The following ANKAR variants were observed in gnomAD, a reference collection of about 807,000 sequenced individuals.
ANKAR encodes ankyrin and armadillo repeat-containing protein.
Under a neutral mutation model 146.2 loss-of-function variants are expected in ANKAR, and 136 were observed. The observed-to-expected ratio is 0.93, with a 90% CI of 0.81 to 1.07. The LOEUF is 1.07. ANKAR is among the 50% of genes least tolerant of loss of function. The pLI is 0.00. For synonymous variants in ANKAR, 500 were observed against 575.8 expected, an observed-to-expected ratio of 0.87 and a Z score of 1.88; for missense variants, 1,567 against 1,679.9, an observed-to-expected ratio of 0.93 and a Z score of 1.18.
chr2:189,721,106 G>A (rs375667153), intron 12 of ANKAR, among the ~76,000 whole-genome samples: 16 of 152,024 alleles, frequency 1.1e-4, no homozygotes, highest in African/African-American at 3.4e-4. Context: ...TTCTGTCTTA[G>A]CCTCCTGAGT....
rs562371864 is a variant in ANKAR, at chr2:189,744,876, G to A, written c.4057+88G>A. ...TCCATCTCTAAAAATTCAAAATGTAGGCCGGGCACAGTGGCTCATGCCTGT... is the reference window on the plus strand; with the variant it reads ...TCCATCTCTAAAAATTCAAAATGTAAGCCGGGCACAGTGGCTCATGCCTGT... On this transcript the variant is annotated intron_variant, in intron 22 of 22. Transcript: ENST00000684021. The A allele has an allele frequency of 3.7e-4, 399 of 1,081,656 alleles. 2 individuals carry two copies. The highest frequency in any genetic ancestry group is 4.9e-4 in the Non-Finnish European group (360 of 734,938). The allele number at this position is 1,081,656 out of a possible 1,614,324, so 67.0% of individuals were successfully genotyped here.
At chr2:189,693,531 G>T (rs1469804804) in intron 5 of ANKAR, among the ~76,000 whole-genome samples, 3 of 152,144 alleles carry the variant, frequency 2.0e-5, no homozygotes, top group Non-Finnish European at 4.4e-5. Context: ...AATATGGGAA[G>T]TAGAGCTCAG....
At chr2:189,745,881 T>G (rs1353508895) in intron 22 of ANKAR, among the ~76,000 whole-genome samples, 8 of 152,210 alleles carry the variant, frequency 5.3e-5, no homozygotes, top group Non-Finnish European at 8.8e-5. Flanking sequence ...CATCCATTTT[T>G]TATATAGCTT....
chr2:189,734,730 G>A (rs947301984), intron 17 of ANKAR, among the ~76,000 whole-genome samples: 1 of 152,038 alleles, frequency 6.6e-6, no homozygotes, highest in East Asian at 1.9e-4. Flanking sequence ...TTGGGAGGTC[G>A]AGGTGGGCAG....
Position 189,740,687 on chromosome 2 carries a change from A to C in ANKAR, c.3701-655A>C, listed in dbSNP as rs566290118. Among the ~76,000 whole-genome samples, 23 of 108,908 alleles carry C rather than the reference A, an allele frequency of 2.1e-4. 1 individual carries two copies. In the East Asian group the frequency reaches 5.3e-3, roughly 25 times the overall value. 71.4% of individuals were successfully genotyped at this position (108,908 alleles called of 152,430 possible). On this transcript the variant is annotated intron_variant, in intron 19 of 22. Transcript: ENST00000684021. ...ACTCAAAGCCATTTCAACCGCAAAA[A>C]GGACATATTAATTTTTTTTTTTTGA... is the stretch of plus-strand genomic sequence containing the variant.
chr2:189,734,310 T>C (rs960969825), intron 17 of ANKAR, among the ~76,000 whole-genome samples: 5 of 152,242 alleles, frequency 3.3e-5, no homozygotes, highest in African/African-American at 4.8e-5. Flanking sequence ...TTAGCATCCA[T>C]TGATGCAACA....
chr2:189,705,661 G>A (rs1330548555), intron 8 of ANKAR, among the ~76,000 whole-genome samples: 1 of 152,126 alleles, frequency 6.6e-6, no homozygotes, highest in Non-Finnish European at 1.5e-5. Flanking sequence ...GGCAGCCCTA[G>A]GACTTCAGAT....
At chr2:189,682,627 A>G (rs1415047143) in intron 2 of ANKAR, among the ~76,000 whole-genome samples, 1 of 152,222 alleles carries the variant, frequency 6.6e-6, no homozygotes, top group Non-Finnish European at 1.5e-5. Flanking sequence ...ATGATTAAAG[A>G]AGCATCAGGT....
intron 12 of ANKAR, among the ~76,000 whole-genome samples, chr2:189,727,173 C>CT (rs2041965989): frequency 6.6e-6 from 1 of 151,826 alleles, no homozygotes; most frequent in African/African-American, 2.4e-5. Context: ...TTAGAATCAC[C>CT]AGTACCAAAA....
At chr2:189,733,525 C>A (rs921254600) in intron 17 of ANKAR, among the ~76,000 whole-genome samples, 3 of 152,122 alleles carry the variant, frequency 2.0e-5, no homozygotes, top group African/African-American at 7.2e-5. Context: ...GCCCTTTCAG[C>A]CCTCAGTCAT....
chr2:189,705,241 T>C lies in ANKAR; in HGVS notation c.1910+17T>C, dbSNP rs771123575. ...AACAGCTGAGTAAGTCATTAAGCAT[T>C]TATATCAGGTTGAGGTTGATGTCTA... On this transcript the variant is annotated intron_variant, in intron 8 of 22. Transcript: ENST00000684021. 3.7e-6 allele frequency: 6 copies of C among 1,611,554 alleles called. No homozygotes were observed. Among genetic ancestry groups the C allele is most frequent in the Non-Finnish European group, 5.1e-6 (6 of 1,178,152 alleles).
intron 3 of ANKAR, among the ~76,000 whole-genome samples, chr2:189,692,029 TG>T (rs2036494393): frequency 6.6e-6 from 1 of 152,188 alleles, no homozygotes. Context: ...CTCAAAATGC[TG>T]GGATTATAGG....
chr2:189,710,209 A>G (rs1265466175), intron 9 of ANKAR, among the ~76,000 whole-genome samples: 5 of 152,218 alleles, frequency 3.3e-5, no homozygotes, highest in Non-Finnish European at 7.3e-5. Context: ...AGAGATGAGG[A>G]AAAGATAGTC....
In ANKAR at chr2:189,719,682, T is replaced by C; in HGVS notation, c.2335T>C (p.Leu779=). 6.2e-7 allele frequency: 1 copy of C among 1,614,152 alleles called. No homozygotes were observed. The highest frequency in any genetic ancestry group is 8.5e-7 in the Non-Finnish European group (1 of 1,180,008). ...AACCCACAAAAGTGCAGTGCATGCT[T>C]TGGTAGAAGCGGGAGGCATTCCATC... The part of the protein sequence containing the change: ...ISTHKSAVHA[L]VEAGGIPSLI... Residue 779 remains leucine (L), a synonymous_variant, in exon 11 of 23, where the codon TTG becomes CTG. Coordinates refer to ENST00000684021, the MANE Select transcript of ANKAR (RefSeq NM_001378068.1).
chr2:189,704,559 AT>A (rs2038595557), intron 7 of ANKAR, among the ~76,000 whole-genome samples: 2 of 66,526 alleles, frequency 3.0e-5, no homozygotes, highest in Admixed American at 3.1e-4. Context: ...ATATATATAT[AT>A]ATATATATAT....
chr2:189,700,600 A>G (rs2037922716), intron 7 of ANKAR, among the ~76,000 whole-genome samples: 1 of 152,136 alleles, frequency 6.6e-6, no homozygotes, highest in African/African-American at 2.4e-5. Flanking sequence ...TTTTTTTACT[A>G]TAGTCACCTT....
chr2:189,728,877 G>A (rs760914835), intron 15 of ANKAR, 56 bp downstream of exon 15: 83 of 1,507,218 alleles, frequency 5.5e-5, no homozygotes, highest in Middle Eastern at 3.6e-4. Flanking sequence ...AACAGATTGC[G>A]CAGAGAAGTG....
Position 189,746,520 on chromosome 2 carries a change from T to C in ANKAR, c.4198T>C (p.Ser1400Pro). Residue 1400 changes from serine (S) to proline (P), a missense_variant, in exon 23 of 23, where the codon TCT (serine) becomes CCT (proline). Transcript: ENST00000684021. Reference protein sequence around the residue: ...KDSHNIFSFSSTITSDITNVS... With the variant: ...KDSHNIFSFSPTITSDITNVS... ...TTCCCATAATATTTTTTCTTTTTCATCTACAATTACATCAGATATCACAAA... is the reference window on the plus strand; with the variant it reads ...TTCCCATAATATTTTTTCTTTTTCACCTACAATTACATCAGATATCACAAA... 1 of 1,613,954 alleles carries C rather than the reference T, an allele frequency of 6.2e-7. No homozygotes were observed. The highest frequency in any genetic ancestry group is 8.5e-7 in the Non-Finnish European group (1 of 1,179,930).
At chr2:189,746,749 A>C, downstream of ANKAR, 3 of 972,476 alleles carry the variant, frequency 3.1e-6, no homozygotes, top group South Asian at 6.1e-5. Context: ...CTTGATCTCG[A>C]TACTAAGCAG....
Sources: gnomAD v4.1 joint callset for allele counts (sites outside exome capture counted in the v4.1 genomes callset) on GRCh38, gnomAD v4.1.1 for gene constraint, MANE v1.5 for transcripts, NCBI Gene and HGNC (gene_info 2026-07-23, HGNC 2026-07-21) for gene names.